Variants in KIF21A observed in about 807,000 individuals in gnomAD.
The protein encoded by KIF21A is kinesin family member 21A.
A neutral mutation model predicts 202.9 loss-of-function variants in KIF21A; 114 were observed. That is an observed-to-expected ratio of 0.56 (90% confidence interval 0.48 to 0.66). The LOEUF (loss-of-function observed/expected upper bound fraction) is 0.66. Among genes scored for constraint, KIF21A ranks in the 30% least tolerant of loss-of-function variants. The pLI, the probability that KIF21A is intolerant of heterozygous loss-of-function variation, is 0.00. For missense variants in KIF21A, 1,677 were observed against 1,994.9 expected (o/e 0.84, Z 3.04); for synonymous variants, 667 against 670.8 (o/e 0.99, Z 0.09).
In KIF21A at chr12:39,430,201, C is replaced by A. The variant is rs199875937; in HGVS notation, c.44+12726G>T. 9.2e-4 allele frequency among the ~76,000 whole-genome samples: 137 copies of A among 148,768 alleles called. 1 individual carries two copies. In the East Asian group the frequency reaches 0.014, roughly 16 times the overall value. ...CCTAAGACCCTGGAAAAAAAAAAAA[C>A]AACCTTAAAAAAATAAAAACGTAAA... On this transcript the variant is annotated intron_variant, in intron 1 of 37. Coordinates refer to ENST00000361418, the MANE Select transcript of KIF21A (RefSeq NM_001173464.2).
intron 1 of KIF21A, among the ~76,000 whole-genome samples, chr12:39,440,207 AAATG>A (rs1456618322): frequency 7.2e-5 from 11 of 152,336 alleles, no homozygotes; most frequent in African/African-American, 2.2e-4. Context: ...ACTCATTTGT[AAATG>A]AACTAATACA....
chr12:39,403,148 C>T (rs930035807), intron 1 of KIF21A, among the ~76,000 whole-genome samples: 1 of 152,050 alleles, frequency 6.6e-6, no homozygotes, highest in Non-Finnish European at 1.5e-5. Flanking sequence ...AAAAAAAAAC[C>T]TAACAGTCAT....
intron 1 of KIF21A, among the ~76,000 whole-genome samples, chr12:39,417,827 T>C (rs1953901915): frequency 6.6e-6 from 1 of 152,164 alleles, no homozygotes; most frequent in Admixed American, 6.5e-5. Flanking sequence ...TATGACAGTA[T>C]GACAAGAAGC....
intron 13 of KIF21A, 46 bp from the exon 14 acceptor site, chr12:39,341,668 A>G (rs1235872932): frequency 1.3e-6 from 2 of 1,553,574 alleles, no homozygotes; most frequent in African/African-American, 1.4e-5. Context: ...TTGGCAAAAC[A>G]AACTGACTCC....
chr12:39,322,614 CT>C (rs894284233), intron 27 of KIF21A, 53 bp downstream of exon 27: 11,530 of 1,113,006 alleles, frequency 0.01, no homozygotes, highest in South Asian at 0.013. Context: ...AACATGCATA[CT>C]TTTTTTTTTA....
chr12:39,362,011 G>C (rs1249495892), intron 7 of KIF21A, among the ~76,000 whole-genome samples: 1 of 152,154 alleles, frequency 6.6e-6, no homozygotes, highest in African/African-American at 2.4e-5. Flanking sequence ...TCTTGGAACT[G>C]TTCTCATGAT....
intron 29 of KIF21A, among the ~76,000 whole-genome samples, chr12:39,316,663 A>G (rs1199210852): frequency 6.6e-6 from 1 of 152,146 alleles, no homozygotes; most frequent in Admixed American, 6.6e-5. Context: ...GAATGAGGAT[A>G]TGGTGAGCGT....
intron 1 of KIF21A, among the ~76,000 whole-genome samples, chr12:39,402,134 G>C (rs564112922): frequency 6.6e-6 from 1 of 152,208 alleles, no homozygotes; most frequent in South Asian, 2.1e-4. Context: ...AGATAAAAAG[G>C]GTGACCGTGC....
intron 1 of KIF21A, among the ~76,000 whole-genome samples, chr12:39,417,863 G>A (rs1039441400): frequency 3.9e-5 from 6 of 152,044 alleles, no homozygotes; most frequent in African/African-American, 1.4e-4. Flanking sequence ...TTACTAGTGG[G>A]AATCCAATTT....
chr12:39,331,254 A>T (rs1434909919), intron 22 of KIF21A, among the ~76,000 whole-genome samples: 2 of 152,134 alleles, frequency 1.3e-5, no homozygotes, highest in Non-Finnish European at 2.9e-5. Flanking sequence ...CACCTTCAAC[A>T]TTTGGGCACG....
At chr12:39,301,974 G>A (rs1055359227) in intron 36 of KIF21A, among the ~76,000 whole-genome samples, 1 of 152,006 alleles carries the variant, frequency 6.6e-6, no homozygotes, top group Non-Finnish European at 1.5e-5. Flanking sequence ...CCTCTTCATG[G>A]GCAGTAAATA....
chr12:39,367,773 C>G, intron 4 of KIF21A, 110 bp downstream of exon 4: 1 of 822,568 alleles, frequency 1.2e-6, no homozygotes, highest in South Asian at 1.6e-5. Context: ...AATTCCATGT[C>G]ATGCTTCAGG....
intron 1 of KIF21A, among the ~76,000 whole-genome samples, chr12:39,375,613 T>G (rs1950222511): frequency 6.6e-6 from 1 of 152,060 alleles, no homozygotes; most frequent in Admixed American, 6.6e-5. Flanking sequence ...CCCGATGGAT[T>G]GAAAGGGAAC....
chr12:39,402,871 T>C (rs1482214368), intron 1 of KIF21A, among the ~76,000 whole-genome samples: 5 of 152,190 alleles, frequency 3.3e-5, no homozygotes, highest in Non-Finnish European at 7.3e-5. Flanking sequence ...CCTTGCATTA[T>C]ATTTAGTTAA....
chr12:39,384,420 A>T (rs1950808991), intron 1 of KIF21A, among the ~76,000 whole-genome samples: 1 of 152,198 alleles, frequency 6.6e-6, no homozygotes, highest in Non-Finnish European at 1.5e-5. Flanking sequence ...GGCTCAGACA[A>T]GAAAGCTCGA....
chr12:39,356,949 A>T, intron 9 of KIF21A, 54 bp from the exon 10 acceptor site: 1 of 844,100 alleles, frequency 1.2e-6, no homozygotes, highest in Non-Finnish European at 1.9e-6. Flanking sequence ...ACTTCAACAA[A>T]ACAGGAGAAA....
At chr12:39,433,640 C>G (rs567039338) in intron 1 of KIF21A, among the ~76,000 whole-genome samples, 1 of 152,280 alleles carries the variant, frequency 6.6e-6, no homozygotes, top group Admixed American at 6.5e-5. Flanking sequence ...TAACTCAAAA[C>G]TACTGTTAAT....
At chr12:39,411,144 A>C (rs751657519) in intron 1 of KIF21A, among the ~76,000 whole-genome samples, 3 of 152,254 alleles carry the variant, frequency 2.0e-5, no homozygotes, top group East Asian at 3.9e-4. Context: ...TTTAAACTAG[A>C]TATTGTCCAT....
chr12:39,358,925 A>C (rs947422716), intron 7 of KIF21A, among the ~76,000 whole-genome samples: 3 of 152,202 alleles, frequency 2.0e-5, no homozygotes, highest in African/African-American at 7.2e-5. Context: ...AGTGGGAAAC[A>C]TTACTTTACG....
Sources: allele counts gnomAD v4.1 joint callset (sites outside exome capture counted in the v4.1 genomes callset), GRCh38; gene constraint gnomAD v4.1.1; transcripts MANE v1.5; gene names NCBI Gene and HGNC (gene_info 2026-07-23, HGNC 2026-07-21).